The following EHBP1 variants were observed in gnomAD, a reference collection of about 807,000 sequenced individuals.
The protein encoded by EHBP1 is EH domain binding protein 1, also known as EH domain-binding protein 1.
A neutral mutation model predicts 144.0 loss-of-function variants in EHBP1; 55 were observed. The observed-to-expected ratio is 0.38, with a 90% CI of 0.31 to 0.48. EHBP1 has a LOEUF of 0.48. EHBP1 is among the 20% of genes least tolerant of loss of function. The pLI, the probability that EHBP1 is intolerant of heterozygous loss-of-function variation, is 0.98. For missense variants in EHBP1, 1,200 were observed against 1,364.2 expected, an observed-to-expected ratio of 0.88 and a Z score of 1.90; for synonymous variants, 469 against 472.7, an observed-to-expected ratio of 0.99 and a Z score of 0.10.
chr2:62,828,152 A>T (rs909329279), intron 6 of EHBP1, among the ~76,000 whole-genome samples: 7 of 152,220 alleles, frequency 4.6e-5, no homozygotes, highest in Non-Finnish European at 7.3e-5. Flanking sequence ...AGATGCAAAG[A>T]ATTTTTTAAA....
At chr2:62,933,617 T>C (rs979647972) in intron 10 of EHBP1, among the ~76,000 whole-genome samples, 1 of 152,140 alleles carries the variant, frequency 6.6e-6, no homozygotes, top group African/African-American at 2.4e-5. Context: ...TACACAATAT[T>C]GAAAAATAAC....
intron 7 of EHBP1, among the ~76,000 whole-genome samples, chr2:62,849,556 T>A (rs1463495913): frequency 6.6e-6 from 1 of 152,126 alleles, no homozygotes. Context: ...TATAGATAAA[T>A]GAAACATTAT....
At chr2:62,874,993 C>G (rs998074837) in intron 10 of EHBP1, among the ~76,000 whole-genome samples, 2 of 152,074 alleles carry the variant, frequency 1.3e-5, no homozygotes, top group African/African-American at 4.8e-5. Context: ...CCTGCCCCCT[C>G]CAGTGCACAC....
intron 3 of EHBP1, among the ~76,000 whole-genome samples, chr2:62,752,035 G>A (rs1374910134): frequency 2.0e-5 from 3 of 151,732 alleles, no homozygotes; most frequent in African/African-American, 4.8e-5. Context: ...GCTTTTGAAT[G>A]TGTTTGCTCT....
intron 5 of EHBP1, among the ~76,000 whole-genome samples, chr2:62,779,096 G>A (rs1054337672): frequency 2.6e-5 from 4 of 152,096 alleles, no homozygotes; most frequent in Non-Finnish European, 4.4e-5. Context: ...TTCCACCATG[G>A]AGTCAGTTTA....
chr2:62,897,256 A>G (rs1010072390), intron 10 of EHBP1, among the ~76,000 whole-genome samples: 12 of 152,198 alleles, frequency 7.9e-5, no homozygotes, highest in African/African-American at 2.4e-4. Context: ...TTTAACAGTT[A>G]TCCTAGAAAT....
At position 62,693,451 on chromosome 2, in the gene EHBP1, G is replaced by A. The variant is rs139859358; in HGVS notation, c.-295-13446G>A. On this transcript the variant is annotated intron_variant, in intron 1 of 22. Coordinates refer to the EHBP1 transcript ENST00000405015. ...AAGTACCTTATCAGATATATGGTTT[G>A]CATATATTTTCTCCCATCTGTTGGT... Among the ~76,000 whole-genome samples, 9 of 152,146 alleles carry A rather than the reference G, an allele frequency of 5.9e-5. 1 individual carries two copies. The highest frequency in any genetic ancestry group is 5.8e-4 in the East Asian group (3 of 5,190).
chr2:62,840,305 G>A (rs946944089), intron 7 of EHBP1, among the ~76,000 whole-genome samples: 2 of 142,708 alleles, frequency 1.4e-5, no homozygotes, highest in African/African-American at 5.2e-5. Flanking sequence ...GCTGAAACTG[G>A]ATCCCTTCCT....
At chr2:62,889,043 A>G (rs918492719) in intron 10 of EHBP1, among the ~76,000 whole-genome samples, 11 of 99,464 alleles carry the variant, frequency 1.1e-4, no homozygotes, top group Admixed American at 7.7e-4. Flanking sequence ...GGCAGTAGGT[A>G]CCTCTTTTTT....
intron 12 of EHBP1, among the ~76,000 whole-genome samples, chr2:62,944,961 C>T (rs2056979820): frequency 6.6e-6 from 1 of 152,144 alleles, no homozygotes; most frequent in South Asian, 2.1e-4. Context: ...TCAGGGTGTC[C>T]TTGAACATGG....
At chr2:62,730,966 G>A (rs947727618) in intron 2 of EHBP1, among the ~76,000 whole-genome samples, 1 of 149,534 alleles carries the variant, frequency 6.7e-6, no homozygotes, top group Admixed American at 6.7e-5. Flanking sequence ...GATACTTGTG[G>A]GGAGTTTGAT....
intron 3 of EHBP1, among the ~76,000 whole-genome samples, chr2:62,758,011 CAAA>C (rs879511679): frequency 3.4e-5 from 3 of 87,564 alleles, no homozygotes; most frequent in Admixed American, 1.2e-4. Context: ...GACTCTGTCT[CAAA>C]AAAAAAAAAA....
intron 4 of EHBP1, 54 bp downstream of exon 4, chr2:62,764,415 T>G (rs2041010745): frequency 3.0e-6 from 4 of 1,338,472 alleles, no homozygotes; most frequent in Non-Finnish European, 4.1e-6. Context: ...GGGTACCAAA[T>G]GACAGAATAT....
intron 10 of EHBP1, among the ~76,000 whole-genome samples, chr2:62,907,337 G>T (rs760214718): frequency 3.3e-5 from 5 of 152,130 alleles, no homozygotes; most frequent in Non-Finnish European, 5.9e-5. Context: ...ATTCTGATAG[G>T]TGTGTGGTGA....
At chr2:62,703,418 T>C (rs979475938), upstream of EHBP1, among the ~76,000 whole-genome samples, 2 of 152,136 alleles carry the variant, frequency 1.3e-5, no homozygotes, top group South Asian at 2.1e-4. Context: ...ACATATTCTA[T>C]ATTTAATATT....
At chr2:62,802,625 C>T (rs2044090595) in intron 5 of EHBP1, among the ~76,000 whole-genome samples, 1 of 152,002 alleles carries the variant, frequency 6.6e-6, no homozygotes, top group Non-Finnish European at 1.5e-5. Flanking sequence ...TTCTCCCTCA[C>T]CCACACAGTC....
intron 21 of EHBP1, chr2:63,043,972 A>G (rs1338883331): frequency 5.4e-5 from 1 of 18,372 alleles, no homozygotes; most frequent in Middle Eastern, 0.036. Flanking sequence ...TTTTTTTTTT[A>G]AGCTGGTGTC....
At chr2:62,778,466 C>T (rs1269539270) in intron 5 of EHBP1, among the ~76,000 whole-genome samples, 3 of 151,308 alleles carry the variant, frequency 2.0e-5, no homozygotes, top group African/African-American at 7.3e-5. Context: ...ATTGGTTGAG[C>T]CTGGGAGGTT....
intron 1 of EHBP1, among the ~76,000 whole-genome samples, chr2:62,688,709 G>A (rs2033804755): frequency 1.3e-5 from 2 of 151,324 alleles, no homozygotes; most frequent in South Asian, 4.2e-4. Context: ...AGCTTCCACA[G>A]ATGAGAACAG....
Sources: gnomAD v4.1 joint callset for allele counts (sites outside exome capture counted in the v4.1 genomes callset) on GRCh38, gnomAD v4.1.1 for gene constraint, MANE v1.5 for transcripts, NCBI Gene and HGNC (gene_info 2026-07-23, HGNC 2026-07-21) for gene names.